KCNIP4: variants seen among roughly 807,000 people sequenced by gnomAD.
KCNIP4 encodes Kv channel-interacting protein 4.
Under a neutral mutation model 34.0 loss-of-function variants are expected in KCNIP4, and 12 were observed. That is an observed-to-expected ratio of 0.35 (90% CI 0.23 to 0.57). KCNIP4 has a LOEUF of 0.57. KCNIP4 is among the 20% of genes least tolerant of loss of function. KCNIP4 has a pLI of 0.83. For synonymous variants in KCNIP4, 124 were observed against 102.2 expected (o/e 1.21, Z -1.29); for missense variants, 238 against 311.7 (o/e 0.76, Z 1.78).
chr4:21,862,822 G>C (rs946004851), intron 1 of KCNIP4, among the ~76,000 whole-genome samples: 1 of 152,028 alleles, frequency 6.6e-6, no homozygotes, highest in South Asian at 2.1e-4. Flanking sequence ...TTAGCCGGGC[G>C]TGGTGGCAGG....
rs560510556 is a variant in KCNIP4 at position 21,211,961 on chromosome 4, A to G, written c.62-329252T>C. On this transcript the variant is annotated intron_variant, in intron 1 of 8. Transcript: ENST00000382152. ...AAAGCAAAAGTCCACTTCAGGGAGG[A>G]GCCAACCCCCTTGATAAAGACATGA... 1.7e-4 allele frequency among the ~76,000 whole-genome samples: 26 copies of G among 152,088 alleles called. No individual in the cohort carries two copies. The South Asian group carries it at 2.7e-3, about 16-fold the overall frequency.
At chr4:20,892,661 G>A (rs961767969) in intron 1 of KCNIP4, among the ~76,000 whole-genome samples, 5 of 152,180 alleles carry the variant, frequency 3.3e-5, no homozygotes, top group Admixed American at 2.0e-4. Flanking sequence ...TTTAGAGAGA[G>A]TTTTGGTCAG....
chr4:21,738,840 C>T (rs987326090), intron 1 of KCNIP4, among the ~76,000 whole-genome samples: 3 of 151,922 alleles, frequency 2.0e-5, no homozygotes, highest in Non-Finnish European at 2.9e-5. Context: ...CTGTAGACAA[C>T]GGCATAAGAT....
chr4:21,088,781 T>C (rs925500356), intron 1 of KCNIP4, among the ~76,000 whole-genome samples: 6 of 152,046 alleles, frequency 3.9e-5, no homozygotes, highest in East Asian at 1.9e-4. Flanking sequence ...CACATCTTTT[T>C]CCCCCCGCCC....
chr4:20,999,895 T>G (rs559927875), intron 1 of KCNIP4, among the ~76,000 whole-genome samples: 15 of 152,284 alleles, frequency 9.9e-5, no homozygotes, highest in African/African-American at 3.6e-4. Flanking sequence ...AAACAGAACA[T>G]GCACGTTGCA....
At chr4:21,191,381 T>C (rs1755636552) in intron 1 of KCNIP4, among the ~76,000 whole-genome samples, 1 of 152,248 alleles carries the variant, frequency 6.6e-6, no homozygotes, top group Non-Finnish European at 1.5e-5. Flanking sequence ...TATTCATAAA[T>C]GATCAATTGC....
intron 1 of KCNIP4, among the ~76,000 whole-genome samples, chr4:21,676,979 G>A (rs1749960228): frequency 1.1e-5 from 1 of 92,570 alleles, no homozygotes; most frequent in African/African-American, 5.8e-5. Flanking sequence ...TAAAGTATAT[G>A]TTCCAGAAAA....
At chr4:21,458,860 G>T (rs975322709) in intron 1 of KCNIP4, among the ~76,000 whole-genome samples, 6 of 151,862 alleles carry the variant, frequency 4.0e-5, no homozygotes, top group Admixed American at 6.6e-5. Flanking sequence ...AGATTTTCAT[G>T]TACCTGTATC....
intron 1 of KCNIP4, among the ~76,000 whole-genome samples, chr4:21,039,671 TCTTA>T (rs1331921207): frequency 6.6e-6 from 1 of 152,136 alleles, no homozygotes; most frequent in African/African-American, 2.4e-5. Context: ...ATTCAATTGC[TCTTA>T]CTTGTTTATG....
chr4:21,564,199 A>T (rs1460475), intron 1 of KCNIP4, among the ~76,000 whole-genome samples: 5 of 151,932 alleles, frequency 3.3e-5, no homozygotes, highest in Non-Finnish European at 7.4e-5. Context: ...AACTTAAAAC[A>T]TTTTTCCATT....
intron 1 of KCNIP4, among the ~76,000 whole-genome samples, chr4:21,448,962 G>C (rs1728278116): frequency 6.6e-6 from 1 of 152,180 alleles, no homozygotes; most frequent in Non-Finnish European, 1.5e-5. Context: ...AAGGTTATTG[G>C]ACTTCCAAAT....
At chr4:20,845,380 C>T (rs1399756761) in intron 3 of KCNIP4, among the ~76,000 whole-genome samples, 1 of 152,214 alleles carries the variant, frequency 6.6e-6, no homozygotes, top group Non-Finnish European at 1.5e-5. Flanking sequence ...GCTCTATGAC[C>T]CCTCCCACCT....
chr4:20,851,132 C>T (rs1720982294), intron 2 of KCNIP4, among the ~76,000 whole-genome samples: 1 of 152,130 alleles, frequency 6.6e-6, no homozygotes, highest in South Asian at 2.1e-4. Context: ...CTGCACAGAT[C>T]ATCCCATCGC....
At chr4:21,946,122 T>C (rs1435194164) in intron 1 of KCNIP4, among the ~76,000 whole-genome samples, 1 of 151,742 alleles carries the variant, frequency 6.6e-6, no homozygotes, top group African/African-American at 2.4e-5. Context: ...TTCCAACATT[T>C]CCTCTCTACT....
chr4:21,397,521 T>C (rs1018215694), intron 1 of KCNIP4, among the ~76,000 whole-genome samples: 1 of 152,190 alleles, frequency 6.6e-6, no homozygotes, highest in Non-Finnish European at 1.5e-5. Context: ...CCTCCACATT[T>C]TGTACATGTA....
intron 1 of KCNIP4, among the ~76,000 whole-genome samples, chr4:21,907,484 G>GA (rs1728068805): frequency 6.6e-6 from 1 of 152,116 alleles, no homozygotes; most frequent in South Asian, 2.1e-4. Context: ...TTCTGTTACA[G>GA]AAACAGAAAA....
chr4:21,440,435 T>A (rs905309937), intron 1 of KCNIP4, among the ~76,000 whole-genome samples: 2 of 152,238 alleles, frequency 1.3e-5, no homozygotes, highest in Non-Finnish European at 2.9e-5. Flanking sequence ...AGCTATAAAA[T>A]TCTGACTGTT....
chr4:21,559,584 G>A (rs1396622588), intron 1 of KCNIP4, among the ~76,000 whole-genome samples: 5 of 152,090 alleles, frequency 3.3e-5, no homozygotes, highest in Admixed American at 2.6e-4. Context: ...GTTGCTGATG[G>A]AAGAACAGAA....
chr4:21,478,309 TC>T (rs1277107232), intron 1 of KCNIP4, among the ~76,000 whole-genome samples: 2 of 152,072 alleles, frequency 1.3e-5, no homozygotes, highest in Non-Finnish European at 2.9e-5. Context: ...AGATTTCATG[TC>T]CCCCTTTAAC....
Sources: gnomAD v4.1 joint callset for allele counts (sites outside exome capture counted in the v4.1 genomes callset) on GRCh38, gnomAD v4.1.1 for gene constraint, MANE v1.5 for transcripts, NCBI Gene and HGNC (gene_info 2026-07-23, HGNC 2026-07-21) for gene names.